Variants in ADAM10 observed in about 807,000 individuals in gnomAD.
ADAM10 encodes ADAM metallopeptidase domain 10.
ADAM10 carries 17 observed loss-of-function variants against 90.1 expected under a neutral mutation model. The ratio of observed to expected loss-of-function variants is 0.19; its 90% confidence interval spans 0.13 to 0.28. The LOEUF (loss-of-function observed/expected upper bound fraction) is 0.28, where lower values mean the gene tolerates loss of function less well. Among genes scored for constraint, ADAM10 ranks in the 10% least tolerant of loss-of-function variants. The pLI, the probability that ADAM10 is intolerant of heterozygous loss-of-function variation, is 1.00. For synonymous variants in ADAM10, 310 were observed against 298.6 expected, an observed-to-expected ratio of 1.04 and a Z score of -0.40; for missense variants, 610 against 914.3, an observed-to-expected ratio of 0.67 and a Z score of 4.29.
intron 11 of ADAM10, among the ~76,000 whole-genome samples, chr15:58,619,430 A>G (rs1480884831): frequency 6.6e-6 from 1 of 152,238 alleles, no homozygotes; most frequent in East Asian, 1.9e-4. Flanking sequence ...TACTACAATT[A>G]GCAATAACTA....
At chr15:58,727,317 A>G (rs1162405560) in intron 1 of ADAM10, among the ~76,000 whole-genome samples, 2 of 150,068 alleles carry the variant, frequency 1.3e-5, no homozygotes, top group Non-Finnish European at 2.9e-5. Context: ...AAGCCTCCCC[A>G]GTAGCTGGGA....
intron 3 of ADAM10, among the ~76,000 whole-genome samples, chr15:58,680,058 C>T (rs1402329029): frequency 3.9e-5 from 6 of 152,168 alleles, no homozygotes; most frequent in East Asian, 1.9e-4. Flanking sequence ...CTTTTCCATC[C>T]GATATATTGT....
chr15:58,735,615 T>G (rs1467820901), intron 1 of ADAM10, among the ~76,000 whole-genome samples: 2 of 152,178 alleles, frequency 1.3e-5, no homozygotes, highest in Non-Finnish European at 2.9e-5. Context: ...TACTGTGTTG[T>G]GTAGGGAATA....
At chr15:58,724,825 G>A (rs1567013465) in intron 1 of ADAM10, among the ~76,000 whole-genome samples, 1 of 152,214 alleles carries the variant, frequency 6.6e-6, no homozygotes, top group South Asian at 2.1e-4. Flanking sequence ...ACCATCTAGA[G>A]AAGAAAGACC....
In ADAM10 at chr15:58,659,022, C is replaced by G. The variant is rs111756543; in HGVS notation, c.585+6075G>C. ...GGCGCAGTGGGCTCACACCTGTAAT[C>G]TCGGCACTTTGGGAAGCCGAAGCAG... On this transcript the variant is annotated intron_variant, in intron 5 of 15. Coordinates refer to ENST00000260408, the MANE Select transcript of ADAM10 (RefSeq NM_001110.4). Among the ~76,000 whole-genome samples the G allele has an allele frequency of 3.5e-3, 539 of 152,274 alleles. 5 individuals carry two copies. The highest frequency in any genetic ancestry group is 0.012 in the African/African-American group (518 of 41,540).
chr15:58,634,486 A>G (rs1896195819), intron 8 of ADAM10, among the ~76,000 whole-genome samples: 2 of 152,202 alleles, frequency 1.3e-5, no homozygotes, highest in African/African-American at 4.8e-5. Context: ...TACTTCATCT[A>G]TTCATTAACA....
At chr15:58,651,927 G>A (rs1194332399) in intron 5 of ADAM10, among the ~76,000 whole-genome samples, 1 of 152,060 alleles carries the variant, frequency 6.6e-6, no homozygotes, top group African/African-American at 2.4e-5. Context: ...CCTGTCTTTT[G>A]GATAAAAGCC....
intron 1 of ADAM10, among the ~76,000 whole-genome samples, chr15:58,724,012 C>T (rs1898948351): frequency 1.3e-5 from 2 of 151,970 alleles, no homozygotes; most frequent in Non-Finnish European, 2.9e-5. Context: ...AGGTGGATCA[C>T]CCAAGGTCAG....
intron 1 of ADAM10, among the ~76,000 whole-genome samples, chr15:58,742,078 G>T (rs1899633038): frequency 6.6e-6 from 1 of 152,092 alleles, no homozygotes; most frequent in Non-Finnish European, 1.5e-5. Flanking sequence ...TTTATATTTT[G>T]GCATTTCATT....
At chr15:58,678,542 C>T (rs1397773300) in intron 4 of ADAM10, among the ~76,000 whole-genome samples, 2 of 151,960 alleles carry the variant, frequency 1.3e-5, no homozygotes, top group African/African-American at 4.8e-5. Context: ...TGTGGATATA[C>T]GGACAATAGA....
intron 5 of ADAM10, among the ~76,000 whole-genome samples, chr15:58,659,977 C>T (rs1350703008): frequency 6.6e-6 from 1 of 152,148 alleles, no homozygotes; most frequent in Admixed American, 6.5e-5. Context: ...ATCCGCCTGC[C>T]TCGGCCTCCC....
intron 2 of ADAM10, chr15:58,691,243 T>A (rs770228482): frequency 1.0e-6 from 1 of 965,490 alleles, no homozygotes; most frequent in East Asian, 2.5e-5. Flanking sequence ...TCCTCCATTA[T>A]CTTCTTCTCC....
intron 2 of ADAM10, among the ~76,000 whole-genome samples, chr15:58,712,870 A>C (rs1898522093): frequency 6.6e-6 from 1 of 152,086 alleles, no homozygotes; most frequent in Non-Finnish European, 1.5e-5. Context: ...ATGGTATCTA[A>C]GAACAAGAGA....
chr15:58,711,165 T>C (rs1024666631), intron 2 of ADAM10, among the ~76,000 whole-genome samples: 1 of 152,192 alleles, frequency 6.6e-6, no homozygotes, highest in Admixed American at 6.5e-5. Flanking sequence ...AAAAATAAAG[T>C]TGTATATTCT....
intron 2 of ADAM10, chr15:58,692,013 G>T (rs1897826229): frequency 7.8e-5 from 36 of 458,840 alleles, no homozygotes; most frequent in South Asian, 5.6e-4. Flanking sequence ...TGACTTCCAA[G>T]ATTTTGCTCT....
chr15:58,723,762 A>T (rs6494036), intron 1 of ADAM10, among the ~76,000 whole-genome samples: 68,954 of 151,744 alleles, frequency 0.45, 18,352 homozygotes, highest in East Asian at 0.84. Context: ...AAAAAGAATA[A>T]CTGGGTAGAG....
intron 14 of ADAM10, among the ~76,000 whole-genome samples, chr15:58,608,179 T>C (rs1487008556): frequency 1.3e-5 from 2 of 152,180 alleles, no homozygotes; most frequent in Non-Finnish European, 2.9e-5. Flanking sequence ...AAGTTCTAAA[T>C]TGTTAAGGTT....
At chr15:58,612,291 G>A (rs1286640426) in intron 11 of ADAM10, among the ~76,000 whole-genome samples, 1 of 152,104 alleles carries the variant, frequency 6.6e-6, no homozygotes, top group East Asian at 1.9e-4. Context: ...GCTCCTTCAG[G>A]TAATAATGCC....
chr15:58,645,946 C>T, intron 6 of ADAM10, 109 bp downstream of exon 6: 1 of 1,202,814 alleles, frequency 8.3e-7, no homozygotes, highest in Non-Finnish European at 1.2e-6. Flanking sequence ...CAACTGAAAA[C>T]ACATACTTTT....
Sources: allele counts gnomAD v4.1 joint callset (sites outside exome capture counted in the v4.1 genomes callset), GRCh38; gene constraint gnomAD v4.1.1; transcripts MANE v1.5; gene names NCBI Gene and HGNC (gene_info 2026-07-23, HGNC 2026-07-21).